Variants in SYNE2 observed in about 807,000 individuals in gnomAD.
SYNE2 encodes nesprin-2.
SYNE2 carries 431 observed loss-of-function variants against 856.3 expected under a neutral mutation model. The ratio of observed to expected loss-of-function variants is 0.50; its 90% CI spans 0.47 to 0.55. The LOEUF is 0.55. Ranked by LOEUF, SYNE2 falls within the 20% of genes least tolerant of loss-of-function variation. The pLI is 0.00. For synonymous variants in SYNE2, 2,923 were observed against 2,872.3 expected, an observed-to-expected ratio of 1.02 and a Z score of -0.56; for missense variants, 8,129 against 8,023.2, an observed-to-expected ratio of 1.01 and a Z score of -0.50.
intron 48 of SYNE2, 140 bp downstream of exon 48, chr14:64,053,797 A>G: frequency 1.4e-6 from 1 of 728,372 alleles, no homozygotes; most frequent in East Asian, 2.8e-5. Context: ...AACTGCATGT[A>G]TACTAAAAAT....
chr14:63,876,613 G>A (rs942199736), intron 1 of SYNE2, among the ~76,000 whole-genome samples: 4 of 151,516 alleles, frequency 2.6e-5, no homozygotes, highest in African/African-American at 7.3e-5. Flanking sequence ...TCAGGCTCCC[G>A]AGTAGCTGGG....
intron 100 of SYNE2, among the ~76,000 whole-genome samples, chr14:64,204,807 C>T (rs921929047): frequency 1.3e-5 from 2 of 152,144 alleles, no homozygotes; most frequent in African/African-American, 2.4e-5. Flanking sequence ...AGCTTAAAAA[C>T]GCAAATTTAC....
At chr14:63,863,449 C>A (rs1304538327) in intron 1 of SYNE2, among the ~76,000 whole-genome samples, 2 of 152,158 alleles carry the variant, frequency 1.3e-5, no homozygotes, top group East Asian at 3.8e-4. Context: ...TTAGCCGCTT[C>A]TGTGTGATAC....
intron 84 of SYNE2, among the ~76,000 whole-genome samples, chr14:64,149,170 T>G (rs1595847869): frequency 2.0e-5 from 3 of 150,274 alleles, no homozygotes; most frequent in Non-Finnish European, 1.5e-5. Context: ...CTGGGCATAG[T>G]GTTGCACACC....
chr14:63,783,430 T>G (rs1887395455), intron 1 of SYNE2, among the ~76,000 whole-genome samples: 1 of 152,056 alleles, frequency 6.6e-6, no homozygotes, highest in Non-Finnish European at 1.5e-5. Context: ...CAGGCCGGAG[T>G]GCAGTGGCGC....
Position 64,048,076 on chromosome 14 carries a change from A to G in SYNE2, c.7298A>G (p.Glu2433Gly), listed in dbSNP as rs1193169056. The G allele has an allele frequency of 6.2e-7, 1 of 1,613,772 alleles. No homozygotes were observed. Among genetic ancestry groups the G allele is most frequent in the East Asian group, 2.2e-5 (1 of 44,780 alleles). Residue 2433 changes from glutamate (E) to glycine (G), a missense_variant, in exon 46 of 116, where the codon GAG becomes GGG. Glu to Gly is a moderately conservative substitution (Grantham distance 98, BLOSUM62 -2). Transcript: ENST00000555002. Reference sequence around the variant, plus strand: ...GAAAGCATGAAAAACACTGAAGATGAGCGGAAAGTCAATGAGCTGCAAAAT... The same window carrying G: ...GAAAGCATGAAAAACACTGAAGATGGGCGGAAAGTCAATGAGCTGCAAAAT... ...AQESMKNTED[E>G]RKVNELQNQP...
In SYNE2 at chr14:63,949,830, G is replaced by A. The variant is rs1046938847; in HGVS notation, c.414G>A (p.Glu138=). The change falls in exon 7 of 116, where the codon GAG becomes GAA. Residue 138 remains glutamate, a synonymous_variant. Coordinates refer to ENST00000555002, the MANE Select transcript of SYNE2 (RefSeq NM_182914.3). ...IWTIILHFHI[E]KLAQTLSCNY... ...GTCTACTTTGCCTTCCTTAGATTGA[G>A]AAGCTTGCCCAGACTCTTTCTTGCA... The A allele has an allele frequency of 2.5e-6, 4 of 1,614,122 alleles. No individual in the cohort carries two copies. The highest frequency in any genetic ancestry group is 3.4e-6 in the Non-Finnish European group (4 of 1,180,000).
At chr14:63,946,780 T>C (rs2096038272) in intron 6 of SYNE2, among the ~76,000 whole-genome samples, 1 of 151,644 alleles carries the variant, frequency 6.6e-6, no homozygotes, top group African/African-American at 2.4e-5. Context: ...TTCAATCTTT[T>C]AATGAAGAAG....
rs530639641 is a variant in SYNE2 at position 64,065,054 on chromosome 14, AG to A, written c.10213-375del. Among the ~76,000 whole-genome samples, 171 of 152,040 alleles carry A rather than the reference AG, an allele frequency of 1.1e-3. 1 individual carries two copies. Among genetic ancestry groups the A allele is most frequent in the Admixed American group, 3.2e-3 (49 of 15,240 alleles). On this transcript the variant is annotated intron_variant, in intron 50 of 115. Coordinates refer to ENST00000555002, the MANE Select transcript of SYNE2 (RefSeq NM_182914.3). Reference sequence around the variant, plus strand: ...TAAATTTTGTGTTTTTAATAGAGATAGGGTTTCAACATGTTGGCCAGGATGG... The same window carrying A: ...TAAATTTTGTGTTTTTAATAGAGATAGGTTTCAACATGTTGGCCAGGATGG...
intron 109 of SYNE2, 22 bp downstream of exon 109, chr14:64,218,534 C>G: frequency 6.2e-7 from 1 of 1,604,530 alleles, no homozygotes; most frequent in Non-Finnish European, 8.5e-7. Context: ...AACTGGCAGT[C>G]GTCCAGAGAG....
rs2096961313 is a variant in SYNE2, at chr14:64,024,394, A to G, written c.5775A>G (p.Glu1925=). The stretch of plus-strand genomic sequence containing the variant: ...TCGTGGGTCAGGAATTCGAATTAGA[A>G]AAAATGGAGTCCATATGCCAGGCTC... ...SWLVGQEFEL[E]KMESICQARA... is the part of the protein sequence containing the mutation. Residue 1925 remains glutamate (E), a synonymous_variant, in exon 39 of 116, where the codon GAA becomes GAG. Coordinates refer to ENST00000555002, the MANE Select transcript of SYNE2 (RefSeq NM_182914.3). 6.2e-7 allele frequency: 1 copy of G among 1,614,080 alleles called. No individual in the cohort carries two copies. The highest frequency in any genetic ancestry group is 1.1e-5 in the South Asian group (1 of 91,094).
At position 64,146,193 on chromosome 14, in the gene SYNE2, C is replaced by T. The variant is rs776010772; in HGVS notation, c.15609C>T (p.Ile5203=). Residue 5203 remains isoleucine (I), a synonymous_variant, in exon 84 of 116, where the codon ATC becomes ATT. Transcript: ENST00000555002. ...CTTTACAAAAACCTGAAAGTGTGAT[C>T]TCAGTGCAGAAGCTGCTCCTGGACT... ...LKTLQKPESV[I]SVQKLLLDCQ... 6.2e-7 allele frequency: 1 copy of T among 1,612,452 alleles called. No homozygotes were observed.
intron 55 of SYNE2, among the ~76,000 whole-genome samples, 190 bp downstream of exon 55, chr14:64,078,796 G>C (rs1272648164): frequency 6.6e-6 from 1 of 152,196 alleles, no homozygotes; most frequent in Non-Finnish European, 1.5e-5. Context: ...TCTTGGCCAG[G>C]TGCGGTGACC....
chr14:64,104,596 C>T (rs1053837641), intron 64 of SYNE2, among the ~76,000 whole-genome samples: 7 of 151,934 alleles, frequency 4.6e-5, no homozygotes, highest in Non-Finnish European at 8.8e-5. Context: ...ATTACAGGTG[C>T]CCGCCACCAT....
At chr14:63,931,733 C>G (rs1367196820) in intron 2 of SYNE2, among the ~76,000 whole-genome samples, 1 of 152,014 alleles carries the variant, frequency 6.6e-6, no homozygotes, top group Non-Finnish European at 1.5e-5. Flanking sequence ...CATTACACTG[C>G]TGAGGGGAAG....
Position 64,052,073 on chromosome 14 carries a change from C to T in SYNE2, c.8160C>T (p.His2720=). ...AATGGGAAACATTGGAGCCATTACACTTAGAAGCAGAAAATCAGATTAAGA... is the reference window on the plus strand; with the variant it reads ...AATGGGAAACATTGGAGCCATTACATTTAGAAGCAGAAAATCAGATTAAGA... The part of the protein sequence containing the change: ...KKQWETLEPL[H]LEAENQIKKC... Residue 2720 remains histidine, a synonymous_variant, in exon 48 of 116, where the codon CAC becomes CAT. Coordinates refer to ENST00000555002, the MANE Select transcript of SYNE2 (RefSeq NM_182914.3). The T allele has an allele frequency of 1.9e-6, 3 of 1,614,198 alleles. No homozygotes were observed. The highest frequency in any genetic ancestry group is 2.7e-5 in the African/African-American group (2 of 75,050).
At position 64,022,573 on chromosome 14, in the gene SYNE2, A is replaced by G. The variant is rs79429423; in HGVS notation, c.5525-178A>G. Among the ~76,000 whole-genome samples, 5,689 of 151,266 alleles carry G rather than the reference A, an allele frequency of 0.038. 349 individuals carry two copies. The highest frequency in any genetic ancestry group is 0.13 in the African/African-American group (5,219 of 41,200). On this transcript the variant is annotated intron_variant, in intron 37 of 115. Coordinates refer to ENST00000555002, the MANE Select transcript of SYNE2 (RefSeq NM_182914.3). ...CAAACCTTGGTGAAAGGTTCACCAAATTTATGGTGAAACCTTGTCTAGGCT... is the reference window on the plus strand; with the variant it reads ...CAAACCTTGGTGAAAGGTTCACCAAGTTTATGGTGAAACCTTGTCTAGGCT...
In SYNE2 at chr14:64,053,120, A is replaced by T; in HGVS notation, c.9207A>T (p.Val3069=). ...AAATTAAGAAAATGACTGAAGTAGT[A>T]CTAAAAGCTCCTGATAGCTCTCCGG... ...DLQIKKMTEV[V]LKAPDSSPES... The change falls in exon 48 of 116, where the codon GTA becomes GTT. Residue 3069 remains valine, a synonymous_variant. Transcript: ENST00000555002. 6.2e-7 allele frequency: 1 copy of T among 1,614,126 alleles called. No homozygotes were observed. The highest frequency in any genetic ancestry group is 8.5e-7 in the Non-Finnish European group (1 of 1,180,018).
intron 10 of SYNE2, among the ~76,000 whole-genome samples, chr14:63,964,906 C>T (rs1214928216): frequency 6.6e-6 from 1 of 151,578 alleles, no homozygotes; most frequent in Non-Finnish European, 1.5e-5. Context: ...AGGGCTCAAC[C>T]GAGAGTCCTT....
Sources: allele counts gnomAD v4.1 joint callset (sites outside exome capture counted in the v4.1 genomes callset), GRCh38; gene constraint gnomAD v4.1.1; transcripts MANE v1.5; gene names NCBI Gene and HGNC (gene_info 2026-07-23, HGNC 2026-07-21).